The following STON2 variants were observed in gnomAD, a reference collection of about 807,000 sequenced individuals.
STON2 encodes the protein stonin-2.
A neutral mutation model predicts 65.7 loss-of-function variants in STON2; 29 were observed. The observed-to-expected ratio is 0.44, with a 90% CI of 0.33 to 0.60. The LOEUF is 0.60. Ranked by LOEUF, STON2 falls within the 20% of genes least tolerant of loss-of-function variation. The pLI is 0.03. For missense variants in STON2, 1,054 were observed against 1,118.1 expected, an observed-to-expected ratio of 0.94 and a Z score of 0.82; for synonymous variants, 404 against 414.2, an observed-to-expected ratio of 0.98 and a Z score of 0.30.
intron 6 of STON2, among the ~76,000 whole-genome samples, chr14:81,271,835 C>T (rs1894607464): frequency 6.6e-6 from 1 of 152,150 alleles, no homozygotes; most frequent in African/African-American, 2.4e-5. Flanking sequence ...ATCTTTTATA[C>T]AGATTCTCTC....
At chr14:81,282,060 G>C (rs932818126) in intron 5 of STON2, among the ~76,000 whole-genome samples, 1 of 152,126 alleles carries the variant, frequency 6.6e-6, no homozygotes, top group Non-Finnish European at 1.5e-5. Context: ...TCTGAGAATT[G>C]TAAGAAATAA....
chr14:81,369,587 T>C (rs1371284600), intron 4 of STON2, among the ~76,000 whole-genome samples: 2 of 152,212 alleles, frequency 1.3e-5, no homozygotes, highest in Non-Finnish European at 2.9e-5. Context: ...GTGTCAAGCA[T>C]CACATAAGTT....
chr14:81,420,161 A>T (rs1364400342), intron 2 of STON2, among the ~76,000 whole-genome samples: 1 of 152,214 alleles, frequency 6.6e-6, no homozygotes, highest in Non-Finnish European at 1.5e-5. Context: ...AAGTAGTGAA[A>T]GGACCTGCAG....
intron 5 of STON2, among the ~76,000 whole-genome samples, chr14:81,304,305 T>C (rs1487874606): frequency 6.6e-6 from 1 of 152,194 alleles, no homozygotes; most frequent in East Asian, 1.9e-4. Context: ...GCACTTTACG[T>C]GGATTATCTC....
chr14:81,268,849 C>G (rs1282680646), intron 7 of STON2, among the ~76,000 whole-genome samples: 1 of 152,170 alleles, frequency 6.6e-6, no homozygotes, highest in African/African-American at 2.4e-5. Context: ...GCACACCTGT[C>G]TGGCTCCACT....
chr14:81,386,697 T>C (rs181370145), intron 3 of STON2, among the ~76,000 whole-genome samples: 12 of 152,344 alleles, frequency 7.9e-5, no homozygotes, highest in Admixed American at 3.9e-4. Flanking sequence ...AATTCAGCCC[T>C]GGCCTTGCAG....
rs140797740 is a variant in STON2, at chr14:81,277,314, G to A, written c.2168C>T (p.Pro723Leu). 18 of 1,614,200 alleles carry A rather than the reference G, an allele frequency of 1.1e-5. No individual in the cohort carries two copies. The highest frequency in any genetic ancestry group is 1.4e-5 in the Non-Finnish European group (16 of 1,180,032). Reference protein sequence around the residue: ...FHNSRVILFNPLDACRFELMR... With the variant: ...FHNSRVILFNLLDACRFELMR... ...TAGCTCAAACCGGCACGCATCCAAA[G>A]GGTTGAACAGAATGACCCGTGAGTT... The change falls in exon 6 of 8, where the codon CCT (proline) becomes CTT (leucine). Residue 723 changes from proline (P) to leucine (L), a missense_variant. Physicochemically the swap from Pro to Leu is moderately conservative, Grantham distance 98 (BLOSUM62 -3). Transcript: ENST00000614646.
chr14:81,382,703 T>C (rs1899586597), intron 3 of STON2, among the ~76,000 whole-genome samples: 1 of 152,226 alleles, frequency 6.6e-6, no homozygotes, highest in African/African-American at 2.4e-5. Flanking sequence ...CTTTTGTATT[T>C]ATTCAATAGG....
rs1331003376 is a variant in STON2 at position 81,277,932 on chromosome 14, T to C, written c.1550A>G (p.Gln517Arg). Reference protein sequence around the residue: ...FVKLTDTGYLQLYYEQGLEKP... With the variant: ...FVKLTDTGYLRLYYEQGLEKP... ...TTCTAGGCCCTGCTCATAATACAGC[T>C]GCAGGTAACCAGTGTCTGTCAGTTT... The change falls in exon 6 of 8, where the codon CAG (glutamine) becomes CGG (arginine). Residue 517 changes from glutamine to arginine, a missense_variant. Transcript: ENST00000614646. 11 of 1,614,076 alleles carry C rather than the reference T, an allele frequency of 6.8e-6. No homozygotes were observed. Among genetic ancestry groups the C allele is most frequent in the Non-Finnish European group, 9.3e-6 (11 of 1,180,044 alleles).
At chr14:81,374,498 G>C (rs1028269780) in intron 3 of STON2, among the ~76,000 whole-genome samples, 2 of 152,092 alleles carry the variant, frequency 1.3e-5, no homozygotes, top group Non-Finnish European at 2.9e-5. Flanking sequence ...GGGGTGAACA[G>C]GCAGAATGAG....
intron 5 of STON2, among the ~76,000 whole-genome samples, chr14:81,284,727 G>A (rs1440577824): frequency 2.6e-5 from 4 of 152,196 alleles, no homozygotes; most frequent in African/African-American, 9.6e-5. Context: ...TGCCATCTAG[G>A]ATGTTAATAG....
At chr14:81,395,020 T>C (rs1195182861) in intron 3 of STON2, 1 of 152,176 alleles carries the variant, frequency 6.6e-6, no homozygotes, top group Non-Finnish European at 1.5e-5. Context: ...AGTAGCCAGG[T>C]CACCAGGATG....
chr14:81,279,428 T>C (rs1215354784), intron 5 of STON2, among the ~76,000 whole-genome samples: 3 of 152,146 alleles, frequency 2.0e-5, no homozygotes, highest in Non-Finnish European at 4.4e-5. Flanking sequence ...CAGTGGCTCA[T>C]GCCTGTAATC....
chr14:81,418,908 C>T, intron 2 of STON2, among the ~76,000 whole-genome samples: 1 of 152,158 alleles, frequency 6.6e-6, no homozygotes, highest in East Asian at 1.9e-4. Flanking sequence ...AACACCACTT[C>T]CATAGAAGCT....
intron 1 of STON2, among the ~76,000 whole-genome samples, chr14:81,428,343 C>G (rs764011229): frequency 6.6e-6 from 1 of 152,228 alleles, no homozygotes; most frequent in African/African-American, 2.4e-5. Flanking sequence ...ATTTAAACAA[C>G]GTATAACTGG....
At chr14:81,326,558 C>T (rs188209282) in intron 4 of STON2, among the ~76,000 whole-genome samples, 14 of 152,236 alleles carry the variant, frequency 9.2e-5, no homozygotes, top group Non-Finnish European at 1.5e-4. Flanking sequence ...ACATACTCTA[C>T]GGTGTACATA....
rs1403641274 is a variant in STON2, at chr14:81,267,494, C to T, written c.*920G>A. The T allele has an allele frequency of 2.0e-6, 2 of 985,202 alleles. No individual in the cohort carries two copies. The allele number at this position is 985,202 out of a possible 1,614,324, so 61.0% of individuals were successfully genotyped here. A position where few individuals can be genotyped will look rare whatever the true frequency, so the allele number is the denominator to read the frequency against. ...TATTGGTCATGAGGTATAAAAAGAA[C>T]TCCCAAATGCCCCTTACAAATGCCT... On this transcript the variant is annotated 3_prime_UTR_variant, in exon 8 of 8. Transcript: ENST00000614646.
chr14:81,401,664 T>C (rs1310371464), upstream of STON2, among the ~76,000 whole-genome samples: 2 of 152,192 alleles, frequency 1.3e-5, no homozygotes, highest in Non-Finnish European at 2.9e-5. Context: ...AAATGAGTGG[T>C]GACTCAGTAT....
chr14:81,264,050 A>G lies in STON2; in HGVS notation c.*4364T>C, dbSNP rs1894264487. 2 of 985,442 alleles carry G rather than the reference A, an allele frequency of 2.0e-6. No homozygotes were observed. Among genetic ancestry groups the G allele is most frequent in the Non-Finnish European group, 2.4e-6 (2 of 829,942 alleles). The allele number at this position is 985,442 out of a possible 1,614,324, so 61.0% of individuals were successfully genotyped here. Reference sequence around the variant, plus strand: ...ATGAAGACTGGTTGTGCACTCTATCAAATGCTTTCTTTTCCTACTGACCAT... The same window carrying G: ...ATGAAGACTGGTTGTGCACTCTATCGAATGCTTTCTTTTCCTACTGACCAT... On this transcript the variant is annotated 3_prime_UTR_variant, in exon 8 of 8. Coordinates refer to ENST00000614646, the MANE Select transcript of STON2 (RefSeq NM_001394390.1).
Sources: allele counts gnomAD v4.1 joint callset (sites outside exome capture counted in the v4.1 genomes callset), GRCh38; gene constraint gnomAD v4.1.1; transcripts MANE v1.5; gene names NCBI Gene and HGNC (gene_info 2026-07-23, HGNC 2026-07-21).